The following MAGI1 variants were observed in gnomAD, a reference collection of about 807,000 sequenced individuals.
The protein encoded by MAGI1 is membrane associated guanylate kinase, WW and PDZ domain containing 1.
Under a neutral mutation model 139.9 loss-of-function variants are expected in MAGI1, and 58 were observed. The ratio of observed to expected loss-of-function variants is 0.41; its 90% CI spans 0.34 to 0.52. The LOEUF is 0.52. Among genes scored for constraint, MAGI1 ranks in the 20% least tolerant of loss-of-function variants. MAGI1 has a pLI of 0.12. For synonymous variants in MAGI1, 812 were observed against 737.9 expected, an observed-to-expected ratio of 1.10 and a Z score of -1.63; for missense variants, 1,874 against 1,901.6, an observed-to-expected ratio of 0.99 and a Z score of 0.27.
At chr3:65,903,747 C>T (rs2108634422) in intron 1 of MAGI1, among the ~76,000 whole-genome samples, 1 of 152,256 alleles carries the variant, frequency 6.6e-6, no homozygotes, top group Non-Finnish European at 1.5e-5. Context: ...GTGGCTCACA[C>T]CTGTAATCCC....
At chr3:65,564,164 G>A (rs1466681365) in intron 2 of MAGI1, among the ~76,000 whole-genome samples, 13 of 151,940 alleles carry the variant, frequency 8.6e-5, no homozygotes, top group Admixed American at 7.9e-4. Context: ...AAAACCAACT[G>A]GAACGGAGTG....
intron 1 of MAGI1, among the ~76,000 whole-genome samples, chr3:65,804,532 C>T (rs905958577): frequency 6.6e-5 from 10 of 151,788 alleles, no homozygotes; most frequent in Middle Eastern, 3.4e-3. Context: ...TTGATATTTA[C>T]GTTATTAAAT....
chr3:65,588,257 T>C (rs1235485207), intron 2 of MAGI1, among the ~76,000 whole-genome samples: 1 of 152,144 alleles, frequency 6.6e-6, no homozygotes, highest in Admixed American at 6.5e-5. Context: ...TTTTCAAGAA[T>C]AGAGATAGCA....
rs1940839701 is a variant in MAGI1 at position 65,361,392 on chromosome 3, A to G, written c.3496-55T>C. On this transcript the variant is annotated intron_variant, in intron 21 of 22. Transcript: ENST00000402939. ...TTTGAAATTCATGTACGGATTCACC[A>G]AATGTTTATTAAGCACGTGGCAGAA... 5 of 1,586,174 alleles carry G rather than the reference A, an allele frequency of 3.2e-6. No individual in the cohort carries two copies. The Admixed American group carries it at 6.7e-5, about 21-fold the overall frequency.
chr3:65,959,798 C>CTTTTTTTTTT (rs33978400), intron 1 of MAGI1, among the ~76,000 whole-genome samples: 2 of 60,266 alleles, frequency 3.3e-5, no homozygotes, highest in Non-Finnish European at 5.8e-5. Flanking sequence ...TAAATTCTCT[C>CTTTTTTTTTT]TTTTTTTTTT....
chr3:65,773,247 A>AG (rs2038099432), intron 1 of MAGI1, among the ~76,000 whole-genome samples: 1 of 152,204 alleles, frequency 6.6e-6, no homozygotes, highest in South Asian at 2.1e-4. Context: ...CCTTAAGAGT[A>AG]GGGGGTCGGG....
intron 1 of MAGI1, among the ~76,000 whole-genome samples, chr3:65,799,029 G>C (rs757568709): frequency 6.6e-6 from 1 of 152,148 alleles, no homozygotes; most frequent in Non-Finnish European, 1.5e-5. Context: ...TGCAAGACTA[G>C]TGAGGCTAGC....
intron 2 of MAGI1, among the ~76,000 whole-genome samples, chr3:65,584,605 A>C: frequency 6.6e-6 from 1 of 152,214 alleles, no homozygotes; most frequent in East Asian, 1.9e-4. Flanking sequence ...GAAGGAAGCA[A>C]GTACAACACA....
At chr3:65,676,947 C>G (rs778819529) in intron 1 of MAGI1, among the ~76,000 whole-genome samples, 27 of 152,176 alleles carry the variant, frequency 1.8e-4, no homozygotes, top group Non-Finnish European at 3.4e-4. Flanking sequence ...GGGATTTTAC[C>G]AGATGTACTT....
At chr3:65,596,431 C>T (rs1316288586) in intron 2 of MAGI1, among the ~76,000 whole-genome samples, 7 of 152,230 alleles carry the variant, frequency 4.6e-5, no homozygotes, top group Admixed American at 3.9e-4. Flanking sequence ...GGCTAGCACA[C>T]ACTCATAAGT....
intron 1 of MAGI1, among the ~76,000 whole-genome samples, chr3:65,730,992 CAA>C (rs934804109): frequency 4.0e-5 from 6 of 149,504 alleles, no homozygotes; most frequent in Non-Finnish European, 8.9e-5. Flanking sequence ...CACAATGAAT[CAA>C]GTTACCTCTA....
At chr3:65,934,743 T>A (rs2062966268) in intron 1 of MAGI1, among the ~76,000 whole-genome samples, 1 of 151,758 alleles carries the variant, frequency 6.6e-6, no homozygotes, top group African/African-American at 2.4e-5. Flanking sequence ...GGTGCCAGAT[T>A]GTGGGCTGAG....
chr3:65,428,241 T>C (rs1947209287), intron 12 of MAGI1, among the ~76,000 whole-genome samples: 1 of 152,186 alleles, frequency 6.6e-6, no homozygotes, highest in Admixed American at 6.5e-5. Flanking sequence ...CCTGAATATG[T>C]TGTTCATGAA....
chr3:65,881,252 C>G (rs1388390797), intron 1 of MAGI1, among the ~76,000 whole-genome samples: 1 of 151,994 alleles, frequency 6.6e-6, no homozygotes, highest in Non-Finnish European at 1.5e-5. Context: ...TGCTAAACAC[C>G]CAATACTCTT....
intron 6 of MAGI1, 65 bp from the exon 7 acceptor site, chr3:65,448,122 C>T (rs1335540642): frequency 6.9e-7 from 1 of 1,442,720 alleles, no homozygotes; most frequent in Admixed American, 1.7e-5. Context: ...ACACCAGCAC[C>T]AAGAAAGGAA....
At chr3:65,680,086 A>G (rs887667316) in intron 1 of MAGI1, among the ~76,000 whole-genome samples, 12 of 152,170 alleles carry the variant, frequency 7.9e-5, no homozygotes, top group African/African-American at 2.9e-4. Context: ...TGGGGACAAG[A>G]AAGCTCAGAC....
rs768647976 is a variant in MAGI1, at chr3:65,375,956, ATTGAGTT to A, written c.2996-18_2996-12del. On this transcript the variant is annotated splice_polypyrimidine_tract_variant and intron_variant, in intron 17 of 22. Coordinates refer to ENST00000402939, the MANE Select transcript of MAGI1 (RefSeq NM_001033057.2). ...CCACACATGCATTGCCTGCTTTGAT[ATTGAGTT>A]TTAATTTTTTTAAAGTTACGTGGGA... 2 of 1,606,930 alleles carry A rather than the reference ATTGAGTT, an allele frequency of 1.2e-6. No individual in the cohort carries two copies. The highest frequency in any genetic ancestry group is 1.7e-6 in the Non-Finnish European group (2 of 1,174,978).
At chr3:65,814,513 A>G (rs1282549851) in intron 1 of MAGI1, among the ~76,000 whole-genome samples, 1 of 152,216 alleles carries the variant, frequency 6.6e-6, no homozygotes. Flanking sequence ...TAAAAAGTCA[A>G]AAATGATTTC....
chr3:65,923,050 T>C (rs1232318867), intron 1 of MAGI1, among the ~76,000 whole-genome samples: 1 of 152,160 alleles, frequency 6.6e-6, no homozygotes, highest in Non-Finnish European at 1.5e-5. Flanking sequence ...AGTGCTTAGA[T>C]AAAATTTGAT....
Sources: allele counts gnomAD v4.1 joint callset (sites outside exome capture counted in the v4.1 genomes callset), GRCh38; gene constraint gnomAD v4.1.1; transcripts MANE v1.5; gene names NCBI Gene and HGNC (gene_info 2026-07-23, HGNC 2026-07-21).